The following SEPTIN7 variants were observed in gnomAD, a reference collection of about 807,000 sequenced individuals.
SEPTIN7 encodes the protein septin 7, also known as septin-7.
A neutral mutation model predicts 63.3 loss-of-function variants in SEPTIN7; 10 were observed. The observed-to-expected ratio is 0.16, with a 90% CI of 0.10 to 0.27. The LOEUF is 0.27. Ranked by LOEUF, SEPTIN7 falls within the 10% of genes least tolerant of loss-of-function variation. The pLI is 1.00. For synonymous variants in SEPTIN7, 131 were observed against 165.3 expected (o/e 0.79, Z 1.59); for missense variants, 310 against 521.0 (o/e 0.59, Z 3.94).
At chr7:35,831,460 A>C (rs1333742275) in intron 1 of SEPTIN7, 32 bp from the exon 2 acceptor site, 1 of 471,138 alleles carries the variant, frequency 2.1e-6, no homozygotes, top group Non-Finnish European at 4.2e-6. Flanking sequence ...AATCTGGAAC[A>C]CTGGAATGAT....
intron 6 of SEPTIN7, 32 bp from the exon 7 acceptor site, chr7:35,879,791 A>G (rs2116262995): frequency 8.4e-7 from 1 of 1,188,330 alleles, no homozygotes; most frequent in Admixed American, 2.0e-5. Context: ...CAAACTGATC[A>G]ATTCAGTCAA....
chr7:35,873,770 A>G lies in SEPTIN7; in HGVS notation c.507A>G (p.Gly169=). The G allele has an allele frequency of 6.2e-7, 1 of 1,610,174 alleles. No individual in the cohort carries two copies. Among genetic ancestry groups the G allele is most frequent in the Non-Finnish European group, 8.5e-7 (1 of 1,178,702 alleles). ...QCCLYFIAPS[G]HGLKPLDIEF... ...GTTTATACTTCATTGCTCCTTCAGG[A>G]CATGGGTCAGTACCTTGATACTTCT... Residue 169 remains glycine, a synonymous_variant, in exon 6 of 14, where the codon GGA becomes GGG. Coordinates refer to ENST00000350320, the MANE Select transcript of SEPTIN7 (RefSeq NM_001788.6).
intron 3 of SEPTIN7, among the ~76,000 whole-genome samples, chr7:35,853,018 A>G (rs184168802): frequency 6.6e-6 from 1 of 152,304 alleles, no homozygotes; most frequent in African/African-American, 2.4e-5. Flanking sequence ...ATCAAATTAA[A>G]GATTTGACAA....
chr7:35,808,120 T>G (rs1024510444), intron 1 of SEPTIN7, among the ~76,000 whole-genome samples: 5 of 151,934 alleles, frequency 3.3e-5, no homozygotes, highest in Middle Eastern at 3.4e-3. Context: ...CCCAGCCTGG[T>G]TTTTTTTGTT....
intron 10 of SEPTIN7, among the ~76,000 whole-genome samples, chr7:35,887,301 T>C (rs1787319992): frequency 6.6e-6 from 1 of 152,214 alleles, no homozygotes. Flanking sequence ...ATACAATCAA[T>C]AATTTCCTAC....
chr7:35,866,778 C>G (rs970372180), intron 4 of SEPTIN7, among the ~76,000 whole-genome samples: 1 of 152,106 alleles, frequency 6.6e-6, no homozygotes, highest in Non-Finnish European at 1.5e-5. Flanking sequence ...ACCTCAGGAC[C>G]CTGAGTTATA....
the SEPTIN7 span, among the ~76,000 whole-genome samples, chr7:35,915,465 C>T: frequency 6.6e-6 from 1 of 152,232 alleles, no homozygotes; most frequent in Non-Finnish European, 1.5e-5. Flanking sequence ...GCTGCAGGCA[C>T]TGACCAATAT....
Position 35,885,747 on chromosome 7 carries a change from C to A in SEPTIN7, c.821-81C>A, listed in dbSNP as rs10274853. On this transcript the variant is annotated intron_variant, in intron 9 of 13. Transcript: ENST00000350320. Reference sequence around the variant, plus strand: ...TGCATTTCCTCTTCTTGTTTTTACACCCCAAGTTCCTGTGAAATATTTTTT... The same window carrying A: ...TGCATTTCCTCTTCTTGTTTTTACAACCCAAGTTCCTGTGAAATATTTTTT... The A allele has an allele frequency of 4.1e-4, 439 of 1,080,876 alleles. 1 individual carries two copies. In the African/African-American group the frequency reaches 5.8e-3, roughly 14 times the overall value. 67.0% of individuals were successfully genotyped at this position (1,080,876 alleles called of 1,614,324 possible).
intron 1 of SEPTIN7, among the ~76,000 whole-genome samples, chr7:35,810,115 G>T (rs1788596889): frequency 6.6e-6 from 1 of 151,898 alleles, no homozygotes; most frequent in African/African-American, 2.4e-5. Flanking sequence ...TGTCTTGTAG[G>T]GTCTCAATAC....
At chr7:35,813,965 C>T (rs1197537670) in intron 1 of SEPTIN7, among the ~76,000 whole-genome samples, 1 of 152,020 alleles carries the variant, frequency 6.6e-6, no homozygotes, top group African/African-American at 2.4e-5. Context: ...AGTATTGCTG[C>T]TAAGTCATTA....
rs1185475042 is a variant in SEPTIN7, at chr7:35,858,367, C to CT, written c.170-5178dup. On this transcript the variant is annotated intron_variant, in intron 3 of 13. Transcript: ENST00000350320. ...ACAATTGGTTTTGCTGATTTCTGTT[C>CT]TTTTTTTGAGACAGAGTCTAGCTCT... Among the ~76,000 whole-genome samples the CT allele has an allele frequency of 5.9e-5, 9 of 152,016 alleles. No individual in the cohort carries two copies. In the East Asian group the frequency reaches 1.6e-3, roughly 26 times the overall value.
At chr7:35,888,934 G>GT (rs1273730477) in intron 10 of SEPTIN7, 3 of 290,346 alleles carry the variant, frequency 1.0e-5, no homozygotes, top group Non-Finnish European at 2.1e-5. Context: ...TCCAAAAAGT[G>GT]TTTATCATAT....
the SEPTIN7 span, among the ~76,000 whole-genome samples, chr7:35,915,051 GTA>G: frequency 6.6e-6 from 1 of 151,234 alleles, no homozygotes; most frequent in African/African-American, 2.4e-5. Flanking sequence ...ATGTATATAT[GTA>G]TATATACACA....
intron 3 of SEPTIN7, among the ~76,000 whole-genome samples, chr7:35,852,110 T>C (rs554545248): frequency 4.6e-5 from 7 of 152,316 alleles, no homozygotes; most frequent in African/African-American, 1.7e-4. Context: ...ATACATTTCA[T>C]TGCAACTACC....
At chr7:35,801,623 C>T (rs899376415) in intron 1 of SEPTIN7, among the ~76,000 whole-genome samples, 2 of 152,164 alleles carry the variant, frequency 1.3e-5, no homozygotes, top group African/African-American at 4.8e-5. Flanking sequence ...CGCCTTTCCT[C>T]AGTCTCCTCC....
intron 7 of SEPTIN7, among the ~76,000 whole-genome samples, chr7:35,882,010 C>T (rs1403306935): frequency 6.6e-6 from 1 of 151,940 alleles, no homozygotes; most frequent in African/African-American, 2.4e-5. Context: ...GATGAATGTT[C>T]AGGGAGCAGT....
At position 35,873,853 on chromosome 7, in the gene SEPTIN7, T is replaced by G. The variant is rs977377560; in HGVS notation, c.512+78T>G. 5.1e-6 allele frequency: 7 copies of G among 1,376,264 alleles called. No homozygotes were observed. In the African/African-American group the frequency reaches 8.7e-5, roughly 17 times the overall value. 85.3% of individuals were successfully genotyped at this position (1,376,264 alleles called of 1,614,324 possible). Reference sequence around the variant, plus strand: ...CCTTTATGTGCATACTTTAGTAATCTTTAAGTTTGTGAAGTACACACAACT... The same window carrying G: ...CCTTTATGTGCATACTTTAGTAATCGTTAAGTTTGTGAAGTACACACAACT... On this transcript the variant is annotated intron_variant, in intron 6 of 13. Coordinates refer to ENST00000350320, the MANE Select transcript of SEPTIN7 (RefSeq NM_001788.6).
intron 1 of SEPTIN7, among the ~76,000 whole-genome samples, chr7:35,806,798 A>G (rs1420706459): frequency 1.3e-5 from 2 of 152,168 alleles, no homozygotes; most frequent in Non-Finnish European, 2.9e-5. Context: ...GTAACTTTCT[A>G]AAGTCTCCCC....
intron 6 of SEPTIN7, among the ~76,000 whole-genome samples, chr7:35,874,357 T>C (rs1444800952): frequency 6.6e-6 from 1 of 152,166 alleles, no homozygotes; most frequent in African/African-American, 2.4e-5. Context: ...TCTAATCTGA[T>C]TGTTCTGTTT....
Sources: gnomAD v4.1 joint callset for allele counts (sites outside exome capture counted in the v4.1 genomes callset) on GRCh38, gnomAD v4.1.1 for gene constraint, MANE v1.5 for transcripts, NCBI Gene and HGNC (gene_info 2026-07-23, HGNC 2026-07-21) for gene names.